The following PDE12 variants were observed in gnomAD, a reference collection of about 807,000 sequenced individuals.
PDE12 encodes the protein 2',5'-phosphodiesterase 12.
A neutral mutation model predicts 45.4 loss-of-function variants in PDE12; 26 were observed. The observed-to-expected ratio is 0.57, with a 90% CI of 0.42 to 0.79. The LOEUF (loss-of-function observed/expected upper bound fraction) is 0.79. Ranked by LOEUF, PDE12 falls within the 30% of genes least tolerant of loss-of-function variation. The probability of loss-of-function intolerance (pLI) is 0.00; values close to 1 mark genes in which losing one functional copy is unlikely to be tolerated. For synonymous variants in PDE12, 283 were observed against 323.9 expected (o/e 0.87, Z 1.36); for missense variants, 668 against 790.0 (o/e 0.85, Z 1.85).
chr3:57,608,990 G>T, the PDE12 span, among the ~76,000 whole-genome samples: 1 of 152,130 alleles, frequency 6.6e-6, no homozygotes, highest in East Asian at 1.9e-4. Flanking sequence ...TGGAAGTAAA[G>T]CACTCCTCAG....
At position 57,562,515 on chromosome 3, in the gene PDE12, G is replaced by C. The variant is rs2069738289; in HGVS notation, c.*2511G>C. On this transcript the variant is annotated 3_prime_UTR_variant, in exon 3 of 3. Transcript: ENST00000311180. ...ATGAGTTAGAATGCAGTGTTATTCA[G>C]AAATGTCTGTTTAAAGCACCTATGT... 1 of 152,150 alleles carries C rather than the reference G, an allele frequency of 6.6e-6. No homozygotes were observed. The highest frequency in any genetic ancestry group is 1.5e-5 in the Non-Finnish European group (1 of 68,014). The allele number at this position is 152,150 out of a possible 1,614,324, so 9.4% of individuals were successfully genotyped here. A position where few individuals can be genotyped will look rare whatever the true frequency, so the allele number is the denominator to read the frequency against.
chr3:57,576,986 G>GT, the PDE12 span, among the ~76,000 whole-genome samples: 1 of 150,868 alleles, frequency 6.6e-6, no homozygotes, highest in African/African-American at 2.4e-5. Flanking sequence ...TATCTGTAAA[G>GT]TAAGGGACTG....
chr3:57,604,804 G>C, the PDE12 span, among the ~76,000 whole-genome samples: 1 of 151,586 alleles, frequency 6.6e-6, no homozygotes, highest in Non-Finnish European at 1.5e-5. Flanking sequence ...TTAGAGATGG[G>C]GTCTTGCTTT....
chr3:57,589,663 A>G, the PDE12 span, among the ~76,000 whole-genome samples: 1 of 149,496 alleles, frequency 6.7e-6, no homozygotes. Context: ...GGTTACAGTG[A>G]GCCCATACCG....
At chr3:57,591,628 G>C in the PDE12 span, among the ~76,000 whole-genome samples, 228 of 151,956 alleles carry the variant, frequency 1.5e-3, 1 homozygote, top group Non-Finnish European at 2.8e-3. Flanking sequence ...CACCACACCC[G>C]GCTAATTTTT....
chr3:57,608,514 A>G, the PDE12 span, among the ~76,000 whole-genome samples: 1 of 152,014 alleles, frequency 6.6e-6, no homozygotes, highest in Non-Finnish European at 1.5e-5. Flanking sequence ...AGAGACACAC[A>G]TAGGCTCAAA....
chr3:57,630,754 A>G, the PDE12 span: 2 of 1,614,112 alleles, frequency 1.2e-6, no homozygotes, highest in Non-Finnish European at 1.7e-6. Context: ...TCTAGAGGTT[A>G]GCTGAGGTCC....
Position 57,561,597 on chromosome 3 carries a change from G to A in PDE12, c.*1593G>A, listed in dbSNP as rs1206030036. The A allele has an allele frequency of 3.0e-6, 3 of 985,056 alleles. No homozygotes were observed. The highest frequency in any genetic ancestry group is 1.1e-4 in the East Asian group (1 of 8,810). The allele number at this position is 985,056 out of a possible 1,614,324, so 61.0% of individuals were successfully genotyped here. ...TAGCTGTATTAGCTGTTGCTTTTTT[G>A]ATGTTCAGGATAACTATGTTATCTC... On this transcript the variant is annotated 3_prime_UTR_variant, in exon 3 of 3. Coordinates refer to ENST00000311180, the MANE Select transcript of PDE12 (RefSeq NM_177966.7).
the PDE12 span, among the ~76,000 whole-genome samples, chr3:57,617,071 A>G: frequency 6.6e-6 from 1 of 151,486 alleles, no homozygotes; most frequent in Non-Finnish European, 1.5e-5. Flanking sequence ...TCTCATGAAC[A>G]TAGATGTAAA....
chr3:57,559,476 C>A (rs938135895), intron 2 of PDE12, 86 bp from the exon 3 acceptor site: 4 of 1,561,626 alleles, frequency 2.6e-6, no homozygotes, highest in African/African-American at 1.4e-5. Flanking sequence ...GAACGTCACC[C>A]AGAGACTGTA....
the PDE12 span, among the ~76,000 whole-genome samples, chr3:57,616,892 T>C: frequency 1.3e-5 from 2 of 151,584 alleles, no homozygotes; most frequent in Non-Finnish European, 2.9e-5. Context: ...GGCATGGTGG[T>C]GCATGCCTGT....
At chr3:57,631,219 CAG>C in the PDE12 span, 2 of 457,008 alleles carry the variant, frequency 4.4e-6, no homozygotes, top group South Asian at 2.7e-5. Context: ...TTTTTTGAGA[CAG>C]AGCCTTGTTC....
At chr3:57,567,844 C>T (rs947437775), downstream of PDE12, among the ~76,000 whole-genome samples, 5 of 151,802 alleles carry the variant, frequency 3.3e-5, no homozygotes, top group Admixed American at 1.3e-4. Context: ...CACCTGTAAT[C>T]CCACCTGAGG....
At position 57,557,594 on chromosome 3, in the gene PDE12, C is replaced by T. The variant is rs1231152854; in HGVS notation, c.1215C>T (p.Leu405=). Residue 405 remains leucine, a synonymous_variant, in exon 1 of 3, where the codon CTC becomes CTT. Transcript: ENST00000311180. The part of the protein sequence containing the change: ...SQHDISFYEA[L]ESDPLHKELL... ...ATGACATTTCATTCTACGAAGCCCT[C>T]GAGTCCGACCCACTTCACAAAGAAC... 1.2e-6 allele frequency: 2 copies of T among 1,613,994 alleles called. No homozygotes were observed. Among genetic ancestry groups the T allele is most frequent in the African/African-American group, 2.7e-5 (2 of 74,896 alleles).
In PDE12 at chr3:57,556,872, A is replaced by G. The variant is rs2069667816; in HGVS notation, c.493A>G (p.Thr165Ala). ...YKVERNPPAFTELQLPRYIMA... is the reference protein window; with the variant it reads ...YKVERNPPAFAELQLPRYIMA... ...GGTGGAGCGCAACCCGCCCGCCTTC[A>G]CCGAACTGCAGTTGCCGCGCTACAT... is the stretch of plus-strand genomic sequence containing the variant. Residue 165 changes from threonine (T) to alanine (A), a missense_variant, in exon 1 of 3, where the codon ACC (threonine) becomes GCC (alanine). By Grantham distance (58) the Thr-to-Ala change is moderately conservative (BLOSUM62 0). Coordinates refer to ENST00000311180, the MANE Select transcript of PDE12 (RefSeq NM_177966.7). This position sits in a 1 kb window ranked among gnomAD's most constrained non-coding sequence, Gnocchi z 5.0. 1 of 1,613,980 alleles carries G rather than the reference A, an allele frequency of 6.2e-7. No individual in the cohort carries two copies. Among genetic ancestry groups the G allele is most frequent in the Admixed American group, 1.7e-5 (1 of 60,004 alleles).
the PDE12 span, among the ~76,000 whole-genome samples, chr3:57,643,309 G>A: frequency 6.6e-6 from 1 of 152,032 alleles, no homozygotes; most frequent in African/African-American, 2.4e-5. Flanking sequence ...GAGATTAGGG[G>A]AGAAAAGAGG....
the PDE12 span, among the ~76,000 whole-genome samples, chr3:57,621,547 G>A: frequency 6.6e-6 from 1 of 152,112 alleles, no homozygotes; most frequent in East Asian, 1.9e-4. Context: ...GTGCACGCCT[G>A]TAATCCCAGC....
chr3:57,598,728 C>G, the PDE12 span, among the ~76,000 whole-genome samples: 12 of 152,076 alleles, frequency 7.9e-5, no homozygotes, highest in Non-Finnish European at 1.5e-4. Context: ...TTGCAGTGAG[C>G]GGAGATCGCG....
At chr3:57,615,640 C>G in the PDE12 span, among the ~76,000 whole-genome samples, 5 of 152,036 alleles carry the variant, frequency 3.3e-5, no homozygotes, top group Admixed American at 1.3e-4. Context: ...CTCGTCTCTA[C>G]TAAAAACTTA....
Sources: gnomAD v4.1 joint callset for allele counts (sites outside exome capture counted in the v4.1 genomes callset) on GRCh38, gnomAD v4.1.1 for gene constraint, Gnocchi (gnomAD v3.1) non-coding constraint, MANE v1.5 for transcripts, NCBI Gene and HGNC (gene_info 2026-07-23, HGNC 2026-07-21) for gene names.